TLK1: variants seen among roughly 807,000 people sequenced by gnomAD.
The protein encoded by TLK1 is serine/threonine-protein kinase tousled-like 1.
TLK1 carries 24 observed loss-of-function variants against 105.3 expected under a neutral mutation model. That is an observed-to-expected ratio of 0.23 (90% CI 0.17 to 0.32). The LOEUF is 0.32. TLK1 is among the 10% of genes least tolerant of loss of function. The pLI, the probability that TLK1 is intolerant of heterozygous loss-of-function variation, is 1.00. For missense variants in TLK1, 558 were observed against 910.5 expected (o/e 0.61, Z 4.98); for synonymous variants, 321 against 310.4 (o/e 1.03, Z -0.36).
At chr2:171,021,427 C>A (rs1685497261) in intron 12 of TLK1, among the ~76,000 whole-genome samples, 1 of 139,054 alleles carries the variant, frequency 7.2e-6, no homozygotes, top group Non-Finnish European at 1.5e-5. Context: ...TGCTTTCCCG[C>A]CCCGACTTTT....
intron 2 of TLK1, among the ~76,000 whole-genome samples, chr2:171,104,270 C>A (rs1689821174): frequency 1.4e-5 from 2 of 138,520 alleles, no homozygotes; most frequent in Non-Finnish European, 1.5e-5. Context: ...AGTTGAGATT[C>A]TGTCTCAAAA....
chr2:171,160,324 C>T lies in TLK1; in HGVS notation c.105G>A (p.Leu35=), dbSNP rs775328106. The change falls in exon 1 of 21, where the codon CTG becomes CTA. Residue 35 remains leucine (L), a synonymous_variant. Coordinates refer to ENST00000431350, the MANE Select transcript of TLK1 (RefSeq NM_012290.5). The surrounding 1 kb of genome is among the most constrained non-coding windows in gnomAD (Gnocchi z 4.4). ...PGSAAAARSL[L]NHTPPSGRPR... Reference sequence around the variant, plus strand: ...GCCTCCCGGATGGCGGCGTGTGATTCAGCAGGGACCTGGCCGCCGCCGCCG... The same window carrying T: ...GCCTCCCGGATGGCGGCGTGTGATTTAGCAGGGACCTGGCCGCCGCCGCCG... The T allele has an allele frequency of 1.3e-6, 2 of 1,599,072 alleles. No individual in the cohort carries two copies. Among genetic ancestry groups the T allele is most frequent in the African/African-American group, 1.4e-5 (1 of 73,388 alleles).
At chr2:171,116,423 G>A (rs182370608) in intron 2 of TLK1, among the ~76,000 whole-genome samples, 3 of 152,152 alleles carry the variant, frequency 2.0e-5, no homozygotes, top group Non-Finnish European at 2.9e-5. Context: ...AAAATAGGCC[G>A]ACCGTGGTGG....
chr2:171,001,783 C>A (rs1470404854), intron 18 of TLK1, among the ~76,000 whole-genome samples: 3 of 152,050 alleles, frequency 2.0e-5, no homozygotes, highest in Non-Finnish European at 2.9e-5. Flanking sequence ...TTCATTCATT[C>A]ATTCATTCAT....
chr2:171,215,897 G>A (rs1693705114), intron 1 of TLK1, among the ~76,000 whole-genome samples: 1 of 152,180 alleles, frequency 6.6e-6, no homozygotes, highest in Non-Finnish European at 1.5e-5. Flanking sequence ...AGTGGGAATT[G>A]ATTACAAGAA....
chr2:171,200,841 C>T lies in TLK1; in HGVS notation c.-6+30304G>A, dbSNP rs1477905528. 3.3e-5 allele frequency among the ~76,000 whole-genome samples: 5 copies of T among 150,194 alleles called. No homozygotes were observed. In the East Asian group the frequency reaches 5.8e-4, roughly 18 times the overall value. On this transcript the variant is annotated intron_variant, in intron 1 of 20. Transcript: ENST00000521943. Reference sequence around the variant, plus strand: ...ATTAATCTAAATCATTTAAAAATTGCTCCTGACAAGTCAAATTAGGCACTT... The same window carrying T: ...ATTAATCTAAATCATTTAAAAATTGTTCCTGACAAGTCAAATTAGGCACTT...
chr2:171,208,605 G>T (rs1693552378), intron 1 of TLK1, among the ~76,000 whole-genome samples: 1 of 152,138 alleles, frequency 6.6e-6, no homozygotes, highest in African/African-American at 2.4e-5. Context: ...TTTATTTTAA[G>T]GCTATAATTA....
At chr2:171,124,993 A>G (rs1690810543) in intron 1 of TLK1, among the ~76,000 whole-genome samples, 1 of 152,216 alleles carries the variant, frequency 6.6e-6, no homozygotes, top group African/African-American at 2.4e-5. Flanking sequence ...TGTTGCTTCA[A>G]ATGTCCTCAA....
chr2:171,198,153 C>T (rs1222648686), intron 1 of TLK1, among the ~76,000 whole-genome samples: 4 of 152,036 alleles, frequency 2.6e-5, no homozygotes, highest in Non-Finnish European at 5.9e-5. Flanking sequence ...GTATCATCTA[C>T]GTTCTATAGT....
At chr2:171,229,252 A>T (rs1693950630) in intron 1 of TLK1, among the ~76,000 whole-genome samples, 1 of 152,198 alleles carries the variant, frequency 6.6e-6, no homozygotes. Flanking sequence ...TGGAAATCTC[A>T]TGAGCTCACA....
At chr2:171,027,938 G>A (rs1364045255) in intron 12 of TLK1, among the ~76,000 whole-genome samples, 1 of 152,138 alleles carries the variant, frequency 6.6e-6, no homozygotes, top group Non-Finnish European at 1.5e-5. Flanking sequence ...CAAGGTGGGT[G>A]GATCACACGA....
intron 2 of TLK1, among the ~76,000 whole-genome samples, chr2:171,099,636 G>A (rs1294788821): frequency 6.6e-6 from 1 of 152,124 alleles, no homozygotes; most frequent in Non-Finnish European, 1.5e-5. Context: ...AACACAGTGT[G>A]GTATGGCGAA....
At chr2:171,019,513 A>G (rs1685377650) in intron 12 of TLK1, among the ~76,000 whole-genome samples, 1 of 152,220 alleles carries the variant, frequency 6.6e-6, no homozygotes, top group Non-Finnish European at 1.5e-5. Flanking sequence ...AAACCAATAC[A>G]TTTCCTGAAA....
At chr2:171,137,950 A>G (rs1274149508) in intron 1 of TLK1, among the ~76,000 whole-genome samples, 2 of 152,266 alleles carry the variant, frequency 1.3e-5, no homozygotes, top group East Asian at 3.9e-4. Flanking sequence ...TTATACAACT[A>G]TTCAGTTATA....
At chr2:171,223,026 G>T (rs1693836544) in intron 1 of TLK1, among the ~76,000 whole-genome samples, 1 of 152,040 alleles carries the variant, frequency 6.6e-6, no homozygotes, top group Non-Finnish European at 1.5e-5. Flanking sequence ...TATTAGCCAG[G>T]CTCATTTCGA....
chr2:170,993,405 C>G lies in TLK1; in HGVS notation c.*375G>C, dbSNP rs1483071829. On this transcript the variant is annotated 3_prime_UTR_variant, in exon 21 of 21. Coordinates refer to ENST00000431350, the MANE Select transcript of TLK1 (RefSeq NM_012290.5). ...GTGTTTTTAAATAATGAAAAACTACCCTTCATATTAGAACTCTCTAGTAAC... is the reference window on the plus strand; with the variant it reads ...GTGTTTTTAAATAATGAAAAACTACGCTTCATATTAGAACTCTCTAGTAAC... The G allele has an allele frequency of 6.2e-6, 1 of 161,090 alleles. No homozygotes were observed. The highest frequency in any genetic ancestry group is 2.4e-5 in the African/African-American group (1 of 41,804). 10.0% of individuals were successfully genotyped at this position (161,090 alleles called of 1,614,324 possible).
chr2:171,159,738 T>C (rs1246906088), intron 1 of TLK1: 1 of 152,366 alleles, frequency 6.6e-6, no homozygotes, highest in African/African-American at 2.4e-5. Context: ...GATCAAAGTC[T>C]GCCCAGATAA....
intron 11 of TLK1, among the ~76,000 whole-genome samples, chr2:171,029,509 T>C (rs547759233): frequency 6.6e-6 from 1 of 152,060 alleles, no homozygotes; most frequent in Non-Finnish European, 1.5e-5. Context: ...ATACTCCAAA[T>C]ATAGACATAG....
intron 11 of TLK1, among the ~76,000 whole-genome samples, chr2:171,040,870 C>A (rs1349889055): frequency 6.6e-6 from 1 of 152,002 alleles, no homozygotes; most frequent in Non-Finnish European, 1.5e-5. Flanking sequence ...AGCCACCACG[C>A]CCAGCCTAAA....
Sources: allele counts gnomAD v4.1 joint callset (sites outside exome capture counted in the v4.1 genomes callset), GRCh38; gene constraint gnomAD v4.1.1; non-coding constraint Gnocchi (gnomAD v3.1); transcripts MANE v1.5; gene names NCBI Gene and HGNC (gene_info 2026-07-23, HGNC 2026-07-21).